Variants in NR5A2 observed in about 807,000 individuals in gnomAD.
NR5A2 encodes nuclear receptor subfamily 5 group A member 2.
In NR5A2, 26 loss-of-function variants were observed where a neutral mutation model predicts 62.7. The observed-to-expected ratio is 0.41, with a 90% CI of 0.30 to 0.58. NR5A2 has a LOEUF of 0.58. Among genes scored for constraint, NR5A2 ranks in the 20% least tolerant of loss-of-function variants. The probability of loss-of-function intolerance (pLI) is 0.22; values close to 1 mark genes in which losing one functional copy is unlikely to be tolerated. For synonymous variants in NR5A2, 246 were observed against 241.7 expected, an observed-to-expected ratio of 1.02 and a Z score of -0.16; for missense variants, 541 against 669.1, an observed-to-expected ratio of 0.81 and a Z score of 2.11.
chr1:200,036,358 G>T (rs1330568136), intron 1 of NR5A2, among the ~76,000 whole-genome samples: 1 of 152,208 alleles, frequency 6.6e-6, no homozygotes, highest in East Asian at 1.9e-4. Flanking sequence ...TGAGCTAGCG[G>T]GTCCCCGGCT....
chr1:200,068,705 T>G (rs1663609945), intron 5 of NR5A2, among the ~76,000 whole-genome samples: 2 of 152,176 alleles, frequency 1.3e-5, no homozygotes, highest in Admixed American at 6.5e-5. Context: ...CCATGGGATT[T>G]TCTGTGCAAG....
At chr1:200,092,707 A>G (rs1453699080) in intron 5 of NR5A2, among the ~76,000 whole-genome samples, 1 of 150,968 alleles carries the variant, frequency 6.6e-6, no homozygotes, top group Non-Finnish European at 1.5e-5. Flanking sequence ...TAGTCAGAAA[A>G]AAAAAAGGTT....
intron 5 of NR5A2, among the ~76,000 whole-genome samples, chr1:200,109,578 C>G (rs893829089): frequency 6.6e-6 from 1 of 152,116 alleles, no homozygotes; most frequent in African/African-American, 2.4e-5. Flanking sequence ...TCACTGTGTC[C>G]TGAAATTGTG....
chr1:200,096,776 A>G (rs764790256), intron 5 of NR5A2, among the ~76,000 whole-genome samples: 5 of 152,144 alleles, frequency 3.3e-5, no homozygotes, highest in African/African-American at 9.7e-5. Flanking sequence ...TTTACTGCCC[A>G]TTTTCTAGTA....
At position 200,092,873 on chromosome 1, in the gene NR5A2, C is replaced by CTTTTTT. The variant is rs869028679; in HGVS notation, c.1111-18306_1111-18301dup. Among the ~76,000 whole-genome samples, 14 of 64,248 alleles carry CTTTTTT rather than the reference C, an allele frequency of 2.2e-4. 1 individual carries two copies. The highest frequency in any genetic ancestry group is 6.8e-4 in the South Asian group (1 of 1,460). 42.1% of individuals were successfully genotyped at this position (64,248 alleles called of 152,430 possible). On this transcript the variant is annotated intron_variant, in intron 5 of 7. Transcript: ENST00000367362. Reference sequence around the variant, plus strand: ...ACATTGATATTACTAAAAGACAGGTCTTTTTTTTTTTTTTTTTTTTTTTTT... The same window carrying CTTTTTT: ...ACATTGATATTACTAAAAGACAGGTCTTTTTTTTTTTTTTTTTTTTTTTTTTTTTTT...
intron 5 of NR5A2, 137 bp from the exon 6 acceptor site, chr1:200,111,065 C>T (rs1345995025): frequency 5.3e-6 from 5 of 938,450 alleles, no homozygotes; most frequent in Admixed American, 6.2e-5. Context: ...GGCACCTGTG[C>T]TTCAGTGACC....
rs1161980837 is a variant in NR5A2 at position 200,150,990 on chromosome 1, A to C, written c.1379-22973A>C. Among the ~76,000 whole-genome samples the C allele has an allele frequency of 2.0e-5, 3 of 152,042 alleles. 1 individual carries two copies. Among genetic ancestry groups the C allele is most frequent in the Admixed American group, 2.0e-4 (3 of 15,262 alleles). On this transcript the variant is annotated intron_variant, in intron 7 of 7. Coordinates refer to ENST00000367362, the MANE Select transcript of NR5A2 (RefSeq NM_205860.3). ...AGGTAGTTGATTTTTTGGTTGGTTC[A>C]TTTGTTTGTTTTTCCTCCCTGTTGT...
intron 5 of NR5A2, among the ~76,000 whole-genome samples, chr1:200,054,764 T>G (rs973391169): frequency 2.6e-5 from 4 of 152,190 alleles, no homozygotes; most frequent in Non-Finnish European, 5.9e-5. Context: ...CTGAGCAGCA[T>G]TATTTATCTA....
chr1:200,161,325 C>A (rs966636736), intron 7 of NR5A2, among the ~76,000 whole-genome samples: 7 of 152,112 alleles, frequency 4.6e-5, no homozygotes. Flanking sequence ...CCTTATTTTT[C>A]TTTGATTTTC....
intron 5 of NR5A2, among the ~76,000 whole-genome samples, chr1:200,064,201 A>T (rs961529126): frequency 6.6e-6 from 1 of 152,058 alleles, no homozygotes; most frequent in African/African-American, 2.4e-5. Context: ...TTAAGTCTTC[A>T]TGGCAGTTTT....
At chr1:200,114,564 A>C (rs909936156) in intron 6 of NR5A2, among the ~76,000 whole-genome samples, 1 of 152,290 alleles carries the variant, frequency 6.6e-6, no homozygotes, top group East Asian at 1.9e-4. Context: ...TTTGAGGTTC[A>C]GTGTCCTCAC....
intron 7 of NR5A2, among the ~76,000 whole-genome samples, chr1:200,154,684 A>G (rs1041543110): frequency 6.6e-6 from 1 of 152,240 alleles, no homozygotes; most frequent in Non-Finnish European, 1.5e-5. Flanking sequence ...TGAGACCCCT[A>G]TCTTTAAAAA....
At chr1:200,113,441 G>A (rs562133581) in intron 6 of NR5A2, among the ~76,000 whole-genome samples, 33 of 152,284 alleles carry the variant, frequency 2.2e-4, no homozygotes, top group Middle Eastern at 6.8e-3. Context: ...TAGACAAAAC[G>A]TTTTGAATTT....
At chr1:200,059,781 C>A (rs1323058764) in intron 5 of NR5A2, among the ~76,000 whole-genome samples, 2 of 152,080 alleles carry the variant, frequency 1.3e-5, no homozygotes, top group African/African-American at 4.8e-5. Context: ...TTGCTCTGAC[C>A]TATTCTTCTG....
In NR5A2 at chr1:200,177,275, T is replaced by C. The variant is rs1056426; in HGVS notation, c.*3065T>C. The C allele has an allele frequency of 0.088, 13,500 of 152,718 alleles. 820 individuals carry two copies. The highest frequency in any genetic ancestry group is 0.26 in the East Asian group (1,361 of 5,184). The allele number at this position is 152,718 out of a possible 1,614,324, so 9.5% of individuals were successfully genotyped here. Reference sequence around the variant, plus strand: ...TTGAATCCATGCAATGTTTAGAGTGTGAAGTCAGTTACTTGTTGATGTTTT... The same window carrying C: ...TTGAATCCATGCAATGTTTAGAGTGCGAAGTCAGTTACTTGTTGATGTTTT... On this transcript the variant is annotated 3_prime_UTR_variant, in exon 8 of 8. Transcript: ENST00000367362.
chr1:200,134,285 C>T (rs1168480497), intron 7 of NR5A2, among the ~76,000 whole-genome samples: 1 of 152,206 alleles, frequency 6.6e-6, no homozygotes, highest in Non-Finnish European at 1.5e-5. Context: ...TACCTTCCCA[C>T]TCACTCACCA....
At chr1:200,107,191 A>G (rs1402496659) in intron 5 of NR5A2, among the ~76,000 whole-genome samples, 1 of 152,194 alleles carries the variant, frequency 6.6e-6, no homozygotes, top group East Asian at 1.9e-4. Context: ...ACAAACAATG[A>G]AAGAGTTGTT....
chr1:200,174,135 C>T lies in NR5A2; in HGVS notation c.1551C>T (p.Leu517=). The change falls in exon 8 of 8, where the codon CTC becomes CTT. Residue 517 remains leucine (L), a synonymous_variant. Coordinates refer to ENST00000367362, the MANE Select transcript of NR5A2 (RefSeq NM_205860.3). ...RAISMQAEEY[L]YYKHLNGDVP... is the part of the protein sequence containing the mutation. ...TCAGTATGCAGGCTGAAGAATACCTCTACTACAAGCACCTGAACGGGGATG... is the reference window on the plus strand; with the variant it reads ...TCAGTATGCAGGCTGAAGAATACCTTTACTACAAGCACCTGAACGGGGATG... The T allele has an allele frequency of 6.2e-7, 1 of 1,613,728 alleles. No individual in the cohort carries two copies. Among genetic ancestry groups the T allele is most frequent in the South Asian group, 1.1e-5 (1 of 91,056 alleles).
In NR5A2 at chr1:200,076,077, C is replaced by G. The variant is rs1664020304; in HGVS notation, c.1110+27259C>G. Among the ~76,000 whole-genome samples the G allele has an allele frequency of 3.9e-5, 6 of 152,176 alleles. No homozygotes were observed. The South Asian group carries it at 1.2e-3, about 32-fold the overall frequency. ...TGAAGATTGAGTGGGAACCTCAACC[C>G]AAGGACATAATAGACAAGAAACAGT... On this transcript the variant is annotated intron_variant, in intron 5 of 7. Coordinates refer to ENST00000367362, the MANE Select transcript of NR5A2 (RefSeq NM_205860.3).
Sources: allele counts gnomAD v4.1 joint callset (sites outside exome capture counted in the v4.1 genomes callset), GRCh38; gene constraint gnomAD v4.1.1; transcripts MANE v1.5; gene names NCBI Gene and HGNC (gene_info 2026-07-23, HGNC 2026-07-21).